Variants in METTL21A observed in about 807,000 individuals in gnomAD.
METTL21A encodes protein N-lysine methyltransferase METTL21A.
A neutral mutation model predicts 20.9 loss-of-function variants in METTL21A; 22 were observed. The ratio of observed to expected loss-of-function variants is 1.05; its 90% CI spans 0.75 to 1.50. METTL21A has a LOEUF of 1.50. Ranked by LOEUF, METTL21A falls within the 40% of genes most tolerant of loss-of-function variation. METTL21A has a pLI of 0.00. For synonymous variants in METTL21A, 93 were observed against 102.0 expected, an observed-to-expected ratio of 0.91 and a Z score of 0.53; for missense variants, 271 against 266.8, an observed-to-expected ratio of 1.02 and a Z score of -0.11.
chr2:207,624,345 C>T lies in METTL21A; in HGVS notation c.31G>A (p.Glu11Lys), dbSNP rs761406256. ...TTGTGGAATTTCTGCAACCCAAATT[C>T]CGTGGTCTCCTCATAGGGCACGAGG... Residue 11 changes from glutamate (E) to lysine (K), a missense_variant, in exon 2 of 4, where the codon GAA (glutamate) becomes AAA (lysine). By Grantham distance (56) the Glu-to-Lys change is moderately conservative. Transcript: ENST00000406927. 1.9e-6 allele frequency: 3 copies of T among 1,613,948 alleles called. No individual in the cohort carries two copies. In the Admixed American group the frequency reaches 5.0e-5, roughly 27 times the overall value.
At chr2:207,583,297 T>C (rs577024770) in intron 3 of METTL21A, among the ~76,000 whole-genome samples, 2 of 152,306 alleles carry the variant, frequency 1.3e-5, no homozygotes, top group Admixed American at 6.5e-5. Context: ...TAAATAGGAA[T>C]ACACACTAAC....
At chr2:207,620,890 C>T (rs750169019) in intron 3 of METTL21A, 10 of 498,544 alleles carry the variant, frequency 2.0e-5, no homozygotes, top group Admixed American at 3.6e-5. Flanking sequence ...GTAGACAATG[C>T]GATGGGTTTA....
Position 207,597,397 on chromosome 2 carries a change from A to T in METTL21A, c.260-15237T>A, listed in dbSNP as rs182906174. On this transcript the variant is annotated intron_variant, in intron 3 of 3. Transcript: ENST00000425132. ...GAAAATCTTTTTAAAAATGATTTCA[A>T]GGTTTGTGCTGAGCTCCTTGATTGC... 392 of 269,584 alleles carry T rather than the reference A, an allele frequency of 1.5e-3. 7 individuals are homozygous for T. Among genetic ancestry groups the T allele is most frequent in the Admixed American group, 0.014 (255 of 18,322 alleles). The allele number at this position is 269,584 out of a possible 1,614,324, so 16.7% of individuals were successfully genotyped here.
At chr2:207,588,591 T>A (rs190480575) in intron 3 of METTL21A, among the ~76,000 whole-genome samples, 1 of 152,298 alleles carries the variant, frequency 6.6e-6, no homozygotes, top group African/African-American at 2.4e-5. Context: ...TTGTGTTGTG[T>A]CTATAGATCA....
downstream of METTL21A, among the ~76,000 whole-genome samples, chr2:207,608,913 G>A (rs550110763): frequency 8.5e-5 from 13 of 152,332 alleles, no homozygotes; most frequent in South Asian, 2.1e-4. Flanking sequence ...GTGACAGAGC[G>A]AATATGCATT....
intron 2 of METTL21A, 122 bp from the exon 3 acceptor site, chr2:207,622,039 C>T: frequency 9.0e-6 from 7 of 781,412 alleles, no homozygotes; most frequent in South Asian, 8.0e-5. Context: ...CTTAACAACA[C>T]ACACAGGAAC....
intron 3 of METTL21A, among the ~76,000 whole-genome samples, chr2:207,592,636 C>A (rs1428279121): frequency 6.6e-6 from 1 of 151,826 alleles, no homozygotes; most frequent in African/African-American, 2.4e-5. Context: ...TTAGAAAATT[C>A]TTGGCCAGGT....
At chr2:207,602,273 G>A (rs1404089195) in intron 3 of METTL21A, 11 of 189,698 alleles carry the variant, frequency 5.8e-5, no homozygotes, top group Middle Eastern at 1.9e-3. Context: ...GAACAAAGCC[G>A]GTGATGCAAG....
At chr2:207,617,748 A>T (rs1463574047) in intron 3 of METTL21A, among the ~76,000 whole-genome samples, 1 of 152,222 alleles carries the variant, frequency 6.6e-6, no homozygotes, top group Non-Finnish European at 1.5e-5. Context: ...GCCAGGTGGA[A>T]GAGTGATGTG....
chr2:207,588,597 G>A (rs572503032), intron 3 of METTL21A, among the ~76,000 whole-genome samples: 30 of 152,188 alleles, frequency 2.0e-4, no homozygotes, highest in African/African-American at 7.0e-4. Flanking sequence ...TGTGTCTATA[G>A]ATCAAATTGT....
intron 1 of METTL21A, chr2:207,624,617 A>AG: frequency 2.5e-6 from 1 of 401,006 alleles, no homozygotes; most frequent in Non-Finnish European, 4.4e-6. Flanking sequence ...TTGGGGAAGA[A>AG]GAAAAAAAAA....
intron 3 of METTL21A, among the ~76,000 whole-genome samples, chr2:207,588,868 T>C (rs2084412659): frequency 1.4e-5 from 2 of 139,102 alleles, no homozygotes; most frequent in Non-Finnish European, 3.1e-5. Context: ...TAAATTTACT[T>C]ATTAGTTCTA....
chr2:207,592,562 C>G (rs1181697725), intron 3 of METTL21A, among the ~76,000 whole-genome samples: 1 of 152,140 alleles, frequency 6.6e-6, no homozygotes, highest in Non-Finnish European at 1.5e-5. Context: ...CCTCCTTCCT[C>G]CCCCATCCCC....
chr2:207,607,775 T>G (rs1305885957), downstream of METTL21A, among the ~76,000 whole-genome samples: 1 of 150,092 alleles, frequency 6.7e-6, no homozygotes, highest in Non-Finnish European at 1.5e-5. Flanking sequence ...CTGCATAACT[T>G]TAAAGAAATT....
At chr2:207,583,119 ATAT>A (rs1243697993) in intron 3 of METTL21A, among the ~76,000 whole-genome samples, 5 of 152,128 alleles carry the variant, frequency 3.3e-5, no homozygotes, top group African/African-American at 7.2e-5. Context: ...ATTGTATTAA[ATAT>A]TATAAGTAAT....
At chr2:207,619,681 A>G (rs2090242804) in intron 3 of METTL21A, among the ~76,000 whole-genome samples, 1 of 152,232 alleles carries the variant, frequency 6.6e-6, no homozygotes, top group African/African-American at 2.4e-5. Flanking sequence ...GAGAAACAAA[A>G]CATACCAAAA....
intron 3 of METTL21A, chr2:207,620,896 G>GT (rs1401467379): frequency 2.4e-6 from 1 of 421,958 alleles, no homozygotes; most frequent in Non-Finnish European, 4.2e-6. Flanking sequence ...AATGCGATGG[G>GT]TTTAGAATAC....
intron 3 of METTL21A, among the ~76,000 whole-genome samples, chr2:207,586,090 CAAAG>C (rs970665376): frequency 3.9e-5 from 6 of 152,036 alleles, no homozygotes; most frequent in Non-Finnish European, 7.4e-5. Flanking sequence ...AAGTCAAAAA[CAAAG>C]AAAAAATTCT....
At chr2:207,582,263 C>A (rs1425605353) in intron 3 of METTL21A, 1 of 664,454 alleles carries the variant, frequency 1.5e-6, no homozygotes, top group Non-Finnish European at 2.7e-6. Flanking sequence ...CAGATATATT[C>A]TTTTCTCTTT....
Sources: allele counts gnomAD v4.1 joint callset (sites outside exome capture counted in the v4.1 genomes callset), GRCh38; gene constraint gnomAD v4.1.1; transcripts MANE v1.5; gene names NCBI Gene and HGNC (gene_info 2026-07-23, HGNC 2026-07-21).